The following TNKS variants were observed in gnomAD, a reference collection of about 807,000 sequenced individuals.
TNKS encodes the protein poly [ADP-ribose] polymerase tankyrase-1.
A neutral mutation model predicts 135.8 loss-of-function variants in TNKS; 72 were observed. That is an observed-to-expected ratio of 0.53 (90% CI 0.44 to 0.64). The LOEUF is 0.64. Among genes scored for constraint, TNKS ranks in the 30% least tolerant of loss-of-function variants. The pLI is 0.00. For missense variants in TNKS, 1,769 were observed against 1,674.0 expected (o/e 1.06, Z -0.99); for synonymous variants, 849 against 649.3 (o/e 1.31, Z -4.68).
intron 3 of TNKS, among the ~76,000 whole-genome samples, chr8:9,618,920 AC>A (rs1156447343): frequency 6.6e-6 from 1 of 152,240 alleles, no homozygotes; most frequent in Non-Finnish European, 1.5e-5. Context: ...TAATTTAGTT[AC>A]ATAAATGTTC....
intron 3 of TNKS, among the ~76,000 whole-genome samples, chr8:9,655,342 C>G (rs964896453): frequency 3.3e-5 from 5 of 152,210 alleles, no homozygotes; most frequent in Non-Finnish European, 7.3e-5. Flanking sequence ...CAAAAGGCAG[C>G]AGAAACCCCT....
intron 5 of TNKS, among the ~76,000 whole-genome samples, chr8:9,682,896 G>A (rs1036739805): frequency 7.9e-5 from 12 of 151,838 alleles, no homozygotes; most frequent in African/African-American, 2.4e-4. Flanking sequence ...TTTTAAGAAC[G>A]TACCTCAAGC....
intron 25 of TNKS, 146 bp from the exon 26 acceptor site, chr8:9,769,960 C>T: frequency 1.5e-6 from 1 of 666,242 alleles, no homozygotes; most frequent in Non-Finnish European, 2.4e-6. Context: ...TATCAAATTC[C>T]ATCCCATTCC....
chr8:9,736,083 A>G (rs1002063890), intron 17 of TNKS, among the ~76,000 whole-genome samples: 14 of 14,450 alleles, frequency 9.7e-4, no homozygotes, highest in African/African-American at 2.0e-3. Flanking sequence ...ATATTGTAAT[A>G]TAATATATAT....
rs566843023 is a variant in TNKS, at chr8:9,674,607, G to T, written c.995-5344G>T. ...TACTAGCTAGTTACCTGTGCCTACT[G>T]AATACCTGAAATATGGCTGGTGTGA... On this transcript the variant is annotated intron_variant, in intron 3 of 26. Coordinates refer to ENST00000310430, the MANE Select transcript of TNKS (RefSeq NM_003747.3). 2.0e-5 allele frequency among the ~76,000 whole-genome samples: 3 copies of T among 152,246 alleles called. No homozygotes were observed. The South Asian group carries it at 6.2e-4, about 32-fold the overall frequency.
Position 9,678,136 on chromosome 8 carries a change from C to T in TNKS, c.995-1815C>T, listed in dbSNP as rs377730435. The stretch of plus-strand genomic sequence containing the variant: ...AGGTCAGAGATGATAGTGTCTTTCG[C>T]GTTAAAATCTGGCATACAGGCCTAT... On this transcript the variant is annotated intron_variant, in intron 3 of 26. Transcript: ENST00000310430. 3.3e-5 allele frequency among the ~76,000 whole-genome samples: 5 copies of T among 152,250 alleles called. No homozygotes were observed. In the East Asian group the frequency reaches 5.8e-4, roughly 18 times the overall value.
chr8:9,775,776 T>A (rs577830471), intron 26 of TNKS, among the ~76,000 whole-genome samples: 1 of 152,140 alleles, frequency 6.6e-6, no homozygotes, highest in South Asian at 2.1e-4. Flanking sequence ...AACAAACTAT[T>A]TTTGGTCCCC....
intron 17 of TNKS, among the ~76,000 whole-genome samples, chr8:9,745,227 A>C (rs1400644631): frequency 6.6e-6 from 1 of 152,210 alleles, no homozygotes; most frequent in African/African-American, 2.4e-5. Context: ...TGATTTTGAT[A>C]ATACCACGAG....
intron 2 of TNKS, among the ~76,000 whole-genome samples, chr8:9,588,673 A>T (rs192336195): frequency 8.1e-4 from 124 of 152,226 alleles, no homozygotes; most frequent in African/African-American, 2.8e-3. Flanking sequence ...GGGCCCCAAT[A>T]TTTCTTTCTT....
At chr8:9,639,918 C>A (rs1040975352) in intron 3 of TNKS, among the ~76,000 whole-genome samples, 3 of 152,104 alleles carry the variant, frequency 2.0e-5, no homozygotes, top group Admixed American at 1.3e-4. Context: ...AAAGACTAAT[C>A]GGGACGGTTC....
chr8:9,571,091 T>C (rs937240399), intron 1 of TNKS, among the ~76,000 whole-genome samples: 2 of 152,244 alleles, frequency 1.3e-5, no homozygotes, highest in African/African-American at 4.8e-5. Flanking sequence ...GATTCATTCA[T>C]TGTACTATGT....
rs534068768 is a variant in TNKS at position 9,760,576 on chromosome 8, C to G, written c.3154-940C>G. Among the ~76,000 whole-genome samples, 348 of 152,258 alleles carry G rather than the reference C, an allele frequency of 2.3e-3. 3 individuals are homozygous for G. The highest frequency in any genetic ancestry group is 4.0e-3 in the Non-Finnish European group (274 of 68,030). ...AGGCAGGGGAAAATCAAAGACTAATCTTGTAGACTAGTATATGGATTGTCA... is the reference window on the plus strand; with the variant it reads ...AGGCAGGGGAAAATCAAAGACTAATGTTGTAGACTAGTATATGGATTGTCA... On this transcript the variant is annotated intron_variant, in intron 20 of 26. Coordinates refer to ENST00000310430, the MANE Select transcript of TNKS (RefSeq NM_003747.3).
intron 2 of TNKS, among the ~76,000 whole-genome samples, chr8:9,582,228 A>T (rs1299140797): frequency 6.6e-6 from 1 of 152,076 alleles, no homozygotes; most frequent in Non-Finnish European, 1.5e-5. Flanking sequence ...TCTGGAGTTG[A>T]ATATGGTTAA....
At chr8:9,569,941 T>C (rs1232379789) in intron 1 of TNKS, among the ~76,000 whole-genome samples, 2 of 152,186 alleles carry the variant, frequency 1.3e-5, no homozygotes, top group Non-Finnish European at 2.9e-5. Context: ...TCAAATCTAT[T>C]GCCTTAAATT....
At chr8:9,767,747 C>T (rs1807546463) in intron 25 of TNKS, among the ~76,000 whole-genome samples, 1 of 151,960 alleles carries the variant, frequency 6.6e-6, no homozygotes, top group Non-Finnish European at 1.5e-5. Context: ...ATCATGCCGT[C>T]AGGAGATTGA....
chr8:9,634,156 T>C (rs983648920), intron 3 of TNKS, among the ~76,000 whole-genome samples: 7 of 150,814 alleles, frequency 4.6e-5, no homozygotes, highest in Admixed American at 6.6e-5. Context: ...CCAGAAAACA[T>C]TGAAATTGAT....
chr8:9,666,714 C>T (rs1802007654), intron 3 of TNKS, among the ~76,000 whole-genome samples: 1 of 147,134 alleles, frequency 6.8e-6, no homozygotes, highest in South Asian at 2.1e-4. Context: ...GAGTGAGACT[C>T]TATCTAAAAA....
intron 3 of TNKS, among the ~76,000 whole-genome samples, chr8:9,654,055 A>G (rs1161464176): frequency 6.6e-6 from 1 of 152,204 alleles, no homozygotes; most frequent in African/African-American, 2.4e-5. Flanking sequence ...GTTGTGCAGT[A>G]AAAAATTTCA....
chr8:9,563,837 T>C (rs1393860250), intron 1 of TNKS, among the ~76,000 whole-genome samples: 1 of 152,218 alleles, frequency 6.6e-6, no homozygotes, highest in Non-Finnish European at 1.5e-5. Context: ...CAAATTCTTC[T>C]TGTAAGAATT....
Sources: gnomAD v4.1 joint callset for allele counts (sites outside exome capture counted in the v4.1 genomes callset) on GRCh38, gnomAD v4.1.1 for gene constraint, MANE v1.5 for transcripts, NCBI Gene and HGNC (gene_info 2026-07-23, HGNC 2026-07-21) for gene names.